The following DNAJB6 variants were observed in gnomAD, a reference collection of about 807,000 sequenced individuals.
DNAJB6 encodes the protein DnaJ heat shock protein family (Hsp40) member B6.
DNAJB6 carries 16 observed loss-of-function variants against 42.7 expected under a neutral mutation model. That is an observed-to-expected ratio of 0.37 (90% confidence interval 0.25 to 0.57). The LOEUF is 0.57. Among genes scored for constraint, DNAJB6 ranks in the 20% least tolerant of loss-of-function variants. DNAJB6 has a pLI of 0.74. For missense variants in DNAJB6, 347 were observed against 416.8 expected (o/e 0.83, Z 1.46); for synonymous variants, 170 against 163.5 (o/e 1.04, Z -0.30).
chr7:157,354,121 A>G (rs1799151720), intron 1 of DNAJB6, among the ~76,000 whole-genome samples: 1 of 152,152 alleles, frequency 6.6e-6, no homozygotes. Context: ...TGTGATAATA[A>G]TCTACACATT....
chr7:157,345,636 T>TG (rs1309195956), intron 1 of DNAJB6, among the ~76,000 whole-genome samples: 4 of 152,200 alleles, frequency 2.6e-5, no homozygotes, highest in African/African-American at 9.6e-5. Context: ...TAATCCCACT[T>TG]GTCTGTTTCG....
At chr7:157,398,045 C>T (rs1359852516) in intron 8 of DNAJB6, among the ~76,000 whole-genome samples, 2 of 152,230 alleles carry the variant, frequency 1.3e-5, no homozygotes, top group African/African-American at 4.8e-5. Context: ...GCCTTCGTAC[C>T]TGCTCTGCCC....
chr7:157,352,383 G>C (rs1799034265), intron 1 of DNAJB6, among the ~76,000 whole-genome samples: 1 of 151,914 alleles, frequency 6.6e-6, no homozygotes, highest in Admixed American at 6.6e-5. Flanking sequence ...AGTAAGCTAG[G>C]AGTATCTTCA....
chr7:157,391,774 G>A (rs1003876897), intron 8 of DNAJB6, among the ~76,000 whole-genome samples: 7 of 152,188 alleles, frequency 4.6e-5, no homozygotes, highest in Non-Finnish European at 7.3e-5. Context: ...GTACCTAGAA[G>A]TTGAGTAATT....
rs142104886 is a variant in DNAJB6 at position 157,382,843 on chromosome 7, C to T, written c.478+466C>T. 336 of 152,670 alleles carry T rather than the reference C, an allele frequency of 2.2e-3. 1 individual carries two copies. Among genetic ancestry groups the T allele is most frequent in the African/African-American group, 3.8e-3 (156 of 41,550 alleles). The allele number at this position is 152,670 out of a possible 1,614,324, so 9.5% of individuals were successfully genotyped here. A position where few individuals can be genotyped will look rare whatever the true frequency, so the allele number is the denominator to read the frequency against. ...ACTCACTAGTGAAGTGTCAGCCTCACGCACGTAGCTCTTCATAGTTCACCG... is the reference window on the plus strand; with the variant it reads ...ACTCACTAGTGAAGTGTCAGCCTCATGCACGTAGCTCTTCATAGTTCACCG... On this transcript the variant is annotated intron_variant, in intron 6 of 9. Coordinates refer to ENST00000262177, the MANE Select transcript of DNAJB6 (RefSeq NM_058246.4).
At chr7:157,343,413 C>G (rs1370542165) in intron 1 of DNAJB6, among the ~76,000 whole-genome samples, 1 of 152,112 alleles carries the variant, frequency 6.6e-6, no homozygotes, top group African/African-American at 2.4e-5. Flanking sequence ...CCTCGGCCCT[C>G]CAAAGTGCTG....
At chr7:157,356,991 G>A (rs1345599721) in intron 1 of DNAJB6, among the ~76,000 whole-genome samples, 1 of 149,868 alleles carries the variant, frequency 6.7e-6, no homozygotes, top group Non-Finnish European at 1.5e-5. Context: ...TTGATGAAAG[G>A]ACTTCCATAA....
rs1468041281 is a variant in DNAJB6, at chr7:157,384,235, C to T, written c.479-632C>T. Among the ~76,000 whole-genome samples the T allele has an allele frequency of 3.3e-5, 5 of 152,352 alleles. No homozygotes were observed. In the South Asian group the frequency reaches 8.3e-4, roughly 25 times the overall value. On this transcript the variant is annotated intron_variant, in intron 6 of 9. Coordinates refer to ENST00000262177, the MANE Select transcript of DNAJB6 (RefSeq NM_058246.4). ...TATAATTGAGAATGGTGTTCATGAA[C>T]TGTAGAACCATAGTTTTTTGAGACG...
intron 1 of DNAJB6, among the ~76,000 whole-genome samples, chr7:157,354,305 G>A (rs746680117): frequency 8.6e-5 from 13 of 151,836 alleles, no homozygotes; most frequent in Non-Finnish European, 1.2e-4. Flanking sequence ...GCGCTACCAC[G>A]CCCGGCTAAT....
chr7:157,343,761 T>G (rs1303499533), intron 1 of DNAJB6, among the ~76,000 whole-genome samples: 3 of 152,216 alleles, frequency 2.0e-5, no homozygotes, highest in South Asian at 2.1e-4. Flanking sequence ...TTATGTGACG[T>G]GTTTTTTTAA....
rs975262566 is a variant in DNAJB6, at chr7:157,358,442, G to T, written c.-26-105G>T. ...GGAAGTTCCCTCTGTAGGCCAGTAGGTGCTAAGGTGACACCACCCCTTCCT... is the reference window on the plus strand; with the variant it reads ...GGAAGTTCCCTCTGTAGGCCAGTAGTTGCTAAGGTGACACCACCCCTTCCT... On this transcript the variant is annotated intron_variant, in intron 1 of 9. Coordinates refer to ENST00000262177, the MANE Select transcript of DNAJB6 (RefSeq NM_058246.4). 5 of 699,392 alleles carry T rather than the reference G, an allele frequency of 7.1e-6. No homozygotes were observed. The East Asian group carries it at 1.4e-4, about 19-fold the overall frequency. 43.3% of individuals were successfully genotyped at this position (699,392 alleles called of 1,614,324 possible).
chr7:157,406,859 G>A (rs1013329034), intron 8 of DNAJB6, among the ~76,000 whole-genome samples: 5 of 152,218 alleles, frequency 3.3e-5, no homozygotes, highest in South Asian at 2.1e-4. Flanking sequence ...CTAAACAGAC[G>A]GTAAATGCAA....
chr7:157,371,349 A>T (rs1800201876), intron 5 of DNAJB6, among the ~76,000 whole-genome samples: 1 of 152,274 alleles, frequency 6.6e-6, no homozygotes, highest in African/African-American at 2.4e-5. Context: ...ATCAGAATGC[A>T]GAACCCCTGC....
intron 7 of DNAJB6, 73 bp from the exon 8 acceptor site, chr7:157,385,468 T>TA: frequency 6.6e-7 from 1 of 1,521,238 alleles, no homozygotes. Context: ...GTAATGTCCT[T>TA]AAACAACTTA....
At chr7:157,404,720 G>A (rs1343728172) in intron 8 of DNAJB6, among the ~76,000 whole-genome samples, 2 of 152,000 alleles carry the variant, frequency 1.3e-5, no homozygotes, top group East Asian at 3.9e-4. Flanking sequence ...TGCCCAGGCT[G>A]GTCTCAAACT....
chr7:157,340,530 T>C (rs1410846009), intron 1 of DNAJB6, among the ~76,000 whole-genome samples: 2 of 147,386 alleles, frequency 1.4e-5, no homozygotes, highest in South Asian at 2.1e-4. Flanking sequence ...CTAGTAAAAA[T>C]GTGATTTTTT....
chr7:157,360,958 T>A (rs937517895), intron 2 of DNAJB6, among the ~76,000 whole-genome samples: 1 of 152,208 alleles, frequency 6.6e-6, no homozygotes, highest in African/African-American at 2.4e-5. Context: ...CCTTGATTTT[T>A]AAATATTTTA....
At chr7:157,356,149 G>A (rs965499330) in intron 1 of DNAJB6, among the ~76,000 whole-genome samples, 5 of 152,250 alleles carry the variant, frequency 3.3e-5, no homozygotes, top group African/African-American at 4.8e-5. Context: ...GACTGGTACT[G>A]AGATTTCTGC....
At chr7:157,369,798 GAGCCCCTTCTTAACA>G (rs1563128282) in intron 5 of DNAJB6, among the ~76,000 whole-genome samples, 8 of 138,350 alleles carry the variant, frequency 5.8e-5, no homozygotes, top group East Asian at 2.1e-4. Flanking sequence ...ATTATTAAAC[GAGCCCCTTCTTAACA>G]TCATTATTAA....
Sources: allele counts gnomAD v4.1 joint callset (sites outside exome capture counted in the v4.1 genomes callset), GRCh38; gene constraint gnomAD v4.1.1; transcripts MANE v1.5; gene names NCBI Gene and HGNC (gene_info 2026-07-23, HGNC 2026-07-21).